CNBD1: variants seen among roughly 807,000 people sequenced by gnomAD.
CNBD1 encodes the protein cyclic nucleotide-binding domain-containing protein 1.
Under a neutral mutation model 54.4 loss-of-function variants are expected in CNBD1, and 71 were observed. That is an observed-to-expected ratio of 1.30 (90% CI 1.08 to 1.59). CNBD1 has a LOEUF of 1.59. CNBD1 is among the 40% of genes most tolerant of loss of function. CNBD1 has a pLI of 0.00. For synonymous variants in CNBD1, 182 were observed against 170.7 expected, an observed-to-expected ratio of 1.07 and a Z score of -0.51; for missense variants, 659 against 518.0, an observed-to-expected ratio of 1.27 and a Z score of -2.64.
intron 8 of CNBD1, among the ~76,000 whole-genome samples, chr8:87,340,217 C>T (rs1259034467): frequency 1.3e-5 from 2 of 152,162 alleles, no homozygotes; most frequent in Non-Finnish European, 2.9e-5. Flanking sequence ...TTCTGACCTT[C>T]AATGTTTCTG....
intron 6 of CNBD1, among the ~76,000 whole-genome samples, chr8:87,262,073 G>A (rs977245483): frequency 3.3e-5 from 5 of 152,062 alleles, no homozygotes; most frequent in Non-Finnish European, 7.4e-5. Context: ...AGGATCACTT[G>A]AACCCAGGAA....
chr8:87,344,752 G>A (rs1204432768), intron 8 of CNBD1, among the ~76,000 whole-genome samples: 4 of 152,124 alleles, frequency 2.6e-5, no homozygotes, highest in African/African-American at 9.6e-5. Context: ...GTGAGTGAAT[G>A]CGTTGCATGG....
At chr8:87,156,030 A>G (rs972662760) in intron 4 of CNBD1, among the ~76,000 whole-genome samples, 21 of 151,996 alleles carry the variant, frequency 1.4e-4, no homozygotes, top group South Asian at 2.1e-4. Context: ...TAGGAACACT[A>G]ACATTTACGG....
chr8:87,226,998 CCTT>C (rs1814514694), intron 5 of CNBD1, among the ~76,000 whole-genome samples: 1 of 151,164 alleles, frequency 6.6e-6, no homozygotes, highest in Non-Finnish European at 1.5e-5. Flanking sequence ...TATGTAATGG[CCTT>C]CTTTGTCTCT....
intron 4 of CNBD1, among the ~76,000 whole-genome samples, chr8:87,065,634 C>A (rs946533978): frequency 6.6e-6 from 1 of 151,948 alleles, no homozygotes; most frequent in Admixed American, 6.6e-5. Flanking sequence ...CATTTAAAAA[C>A]ATCAGAAACT....
At chr8:86,995,696 G>A (rs1469147911) in intron 4 of CNBD1, among the ~76,000 whole-genome samples, 1 of 151,348 alleles carries the variant, frequency 6.6e-6, no homozygotes, top group Non-Finnish European at 1.5e-5. Context: ...GGTGGTGTGT[G>A]TGTGTGTGTG....
rs563973737 is a variant in CNBD1 at position 87,348,586 on chromosome 8, G to T, written c.1043-3099G>T. On this transcript the variant is annotated intron_variant, in intron 8 of 10. Coordinates refer to ENST00000518476, the MANE Select transcript of CNBD1 (RefSeq NM_173538.3). ...TCAGCTAATGGATGTCGTGCTCAAA[G>T]TTGCCTCGGCATTGTCCATCCTGAG... Among the ~76,000 whole-genome samples, 468 of 152,264 alleles carry T rather than the reference G, an allele frequency of 3.1e-3. 4 individuals carry two copies. The highest frequency in any genetic ancestry group is 4.8e-3 in the Non-Finnish European group (326 of 68,010).
chr8:87,105,917 C>A (rs1191737839), intron 4 of CNBD1, among the ~76,000 whole-genome samples: 1 of 152,010 alleles, frequency 6.6e-6, no homozygotes, highest in Admixed American at 6.6e-5. Context: ...ATTTTCTTTG[C>A]CACATAGTTA....
chr8:86,979,401 A>C (rs13282316), intron 4 of CNBD1, among the ~76,000 whole-genome samples: 6 of 133,818 alleles, frequency 4.5e-5, no homozygotes, highest in Non-Finnish European at 9.7e-5. Context: ...AATCATCTCT[A>C]CAAAAAAAAA....
intron 5 of CNBD1, among the ~76,000 whole-genome samples, chr8:87,224,303 A>G (rs940974644): frequency 2.0e-5 from 3 of 150,256 alleles, no homozygotes; most frequent in East Asian, 1.9e-4. Context: ...TGTTTTAGAC[A>G]TGAAGTCCTT....
intron 4 of CNBD1, among the ~76,000 whole-genome samples, chr8:87,039,990 C>T (rs1013101249): frequency 1.7e-4 from 26 of 152,144 alleles, no homozygotes; most frequent in African/African-American, 6.0e-4. Flanking sequence ...GACAGCTGAT[C>T]CATCAAATAC....
intron 4 of CNBD1, among the ~76,000 whole-genome samples, chr8:87,150,641 A>T (rs62527292): frequency 0.45 from 68,311 of 152,002 alleles, 15,578 homozygotes; most frequent in Non-Finnish European, 0.47. Context: ...ACTCCTTTGA[A>T]ACAAAAGGCA....
rs1252488503 is a variant in CNBD1, at chr8:87,303,274, G to C, written c.1042+16603G>C. On this transcript the variant is annotated intron_variant, in intron 8 of 10. Coordinates refer to ENST00000518476, the MANE Select transcript of CNBD1 (RefSeq NM_173538.3). ...ACAGTAACCAAAACAGCATGGTACT[G>C]GTACCAAAACAGAGATATAGACCAA... Among the ~76,000 whole-genome samples, 140 of 151,846 alleles carry C rather than the reference G, an allele frequency of 9.2e-4. 1 individual carries two copies. The highest frequency in any genetic ancestry group is 3.2e-3 in the African/African-American group (133 of 41,428).
intron 4 of CNBD1, among the ~76,000 whole-genome samples, chr8:87,170,027 T>G (rs1399834619): frequency 1.3e-5 from 2 of 152,158 alleles, no homozygotes; most frequent in African/African-American, 4.8e-5. Flanking sequence ...TTAACAATTT[T>G]GATTCTTCTA....
intron 6 of CNBD1, among the ~76,000 whole-genome samples, chr8:87,255,997 A>G (rs1384296924): frequency 6.8e-5 from 1 of 14,782 alleles, no homozygotes; most frequent in Non-Finnish European, 1.2e-4. Context: ...ATATATATAT[A>G]TATATATATA....
At chr8:87,138,775 G>A (rs1463976660) in intron 4 of CNBD1, among the ~76,000 whole-genome samples, 2 of 152,122 alleles carry the variant, frequency 1.3e-5, no homozygotes, top group African/African-American at 4.8e-5. Flanking sequence ...ATAAGGTCAG[G>A]GAATATGTCT....
In CNBD1 at chr8:87,105,703, T is replaced by C. The variant is rs140127473; in HGVS notation, c.432-100290T>C. On this transcript the variant is annotated intron_variant, in intron 4 of 10. Transcript: ENST00000518476. ...TGCCTTCATTCTACAGATTATATAT[T>C]TAGGCTAAGCCTTTTTTTTTTGGAT... Among the ~76,000 whole-genome samples, 12 of 152,214 alleles carry C rather than the reference T, an allele frequency of 7.9e-5. No homozygotes were observed. The East Asian group carries it at 2.3e-3, about 29-fold the overall frequency.
intron 10 of CNBD1, among the ~76,000 whole-genome samples, chr8:87,369,774 G>A (rs544751587): frequency 1.3e-5 from 2 of 151,782 alleles, no homozygotes; most frequent in African/African-American, 2.4e-5. Context: ...TGTGCACAAT[G>A]TGCCGGTTAG....
chr8:87,006,739 T>C (rs531329374), intron 4 of CNBD1, among the ~76,000 whole-genome samples: 1 of 152,282 alleles, frequency 6.6e-6, no homozygotes, highest in African/African-American at 2.4e-5. Flanking sequence ...CAGGGACAGA[T>C]ACTCAAACCA....
Sources: gnomAD v4.1 joint callset for allele counts (sites outside exome capture counted in the v4.1 genomes callset) on GRCh38, gnomAD v4.1.1 for gene constraint, MANE v1.5 for transcripts, NCBI Gene and HGNC (gene_info 2026-07-23, HGNC 2026-07-21) for gene names.